TRIM72: variants seen among roughly 807,000 people sequenced by gnomAD.
TRIM72 encodes the protein tripartite motif-containing protein 72.
In TRIM72, 33 loss-of-function variants were observed where a neutral mutation model predicts 31.6. The observed-to-expected ratio is 1.04, with a 90% CI of 0.79 to 1.40. The LOEUF is 1.40. Ranked by LOEUF, TRIM72 falls within the 40% of genes most tolerant of loss-of-function variation. The pLI, the probability that TRIM72 is intolerant of heterozygous loss-of-function variation, is 0.00. For synonymous variants in TRIM72, 301 were observed against 314.4 expected (o/e 0.96, Z 0.45); for missense variants, 666 against 682.7 (o/e 0.98, Z 0.27).
rs1464121268 is a variant in TRIM72, at chr16:31,219,616, A to G, written c.717+97A>G. On this transcript the variant is annotated intron_variant, in intron 4 of 6. Coordinates refer to ENST00000322122, the MANE Select transcript of TRIM72 (RefSeq NM_001008274.4). The surrounding 1 kb of genome is among the most constrained non-coding windows in gnomAD (Gnocchi z 4.2). ...GATAGGCCCAGAGAGGGGCAGGGATAAGCCAGCAGCACACAGCCGGGAGGG... is the reference window on the plus strand; with the variant it reads ...GATAGGCCCAGAGAGGGGCAGGGATGAGCCAGCAGCACACAGCCGGGAGGG... 8.5e-7 allele frequency: 1 copy of G among 1,180,272 alleles called. No homozygotes were observed. The highest frequency in any genetic ancestry group is 1.2e-6 in the Non-Finnish European group (1 of 829,704). The allele number at this position is 1,180,272 out of a possible 1,614,324, so 73.1% of individuals were successfully genotyped here.
intron 5 of TRIM72, 56 bp downstream of exon 5, chr16:31,220,974 A>T: frequency 6.2e-7 from 1 of 1,608,704 alleles, no homozygotes; most frequent in South Asian, 1.1e-5. Flanking sequence ...TTCTAGGGAC[A>T]CCAGCCGGCT....
rs756675094 is a variant in TRIM72, at chr16:31,219,379, G to A, written c.577G>A (p.Glu193Lys). 1.9e-5 allele frequency: 31 copies of A among 1,614,038 alleles called. No individual in the cohort carries two copies. The highest frequency in any genetic ancestry group is 2.4e-5 in the Non-Finnish European group (28 of 1,180,032). ...TGCACTGGAGGGCTCCTTGGACCGC[G>A]AGGCAGAGCGTGTACGGGGTGAGGC... Reference protein sequence around the residue: ...LAALEGSLDREAERVRGEAGV... With the variant: ...LAALEGSLDRKAERVRGEAGV... Residue 193 changes from glutamate to lysine, a missense_variant, in exon 4 of 7, where the codon GAG becomes AAG. Coordinates refer to ENST00000322122, the MANE Select transcript of TRIM72 (RefSeq NM_001008274.4). This position sits in a 1 kb window ranked among gnomAD's most constrained non-coding sequence, Gnocchi z 4.2.
At chr16:31,217,511 A>G (rs2144191041) in intron 2 of TRIM72, among the ~76,000 whole-genome samples, 1 of 151,322 alleles carries the variant, frequency 6.6e-6, no homozygotes, top group Non-Finnish European at 1.5e-5. Flanking sequence ...AAAAAAAAAA[A>G]ATGGCTTTGG....
rs538281869 is a variant in TRIM72, at chr16:31,215,178, G to C, written c.390+50G>C. 3 of 1,423,748 alleles carry C rather than the reference G, an allele frequency of 2.1e-6. No homozygotes were observed. The South Asian group carries it at 4.7e-5, about 22-fold the overall frequency. The allele number at this position is 1,423,748 out of a possible 1,614,324, so 88.2% of individuals were successfully genotyped here. ...TCGGAGGGGCTGTTCGGTGGCACGGGGCCGATGGGGAGGTCGCTGCAGTGA... is the reference window on the plus strand; with the variant it reads ...TCGGAGGGGCTGTTCGGTGGCACGGCGCCGATGGGGAGGTCGCTGCAGTGA... On this transcript the variant is annotated intron_variant, in intron 2 of 6. Coordinates refer to ENST00000322122, the MANE Select transcript of TRIM72 (RefSeq NM_001008274.4). The surrounding 1 kb of genome is among the most constrained non-coding windows in gnomAD (Gnocchi z 6.3).
chr16:31,219,378 C>T lies in TRIM72; in HGVS notation c.576C>T (p.Arg192=), dbSNP rs138440104. 20 of 1,613,964 alleles carry T rather than the reference C, an allele frequency of 1.2e-5. No individual in the cohort carries two copies. Among genetic ancestry groups the T allele is most frequent in the Admixed American group, 3.3e-5 (2 of 59,986 alleles). ...CTGCACTGGAGGGCTCCTTGGACCG[C>T]GAGGCAGAGCGTGTACGGGGTGAGG... ...FLAALEGSLD[R]EAERVRGEAG... Residue 192 remains arginine, a synonymous_variant, in exon 4 of 7, where the codon CGC becomes CGT. Transcript: ENST00000322122. The surrounding 1 kb of genome is among the most constrained non-coding windows in gnomAD (Gnocchi z 4.2).
chr16:31,225,039 A>C lies in TRIM72; in HGVS notation c.*284A>C. Reference sequence around the variant, plus strand: ...AACTCCTCTCTACTGAAAATACAAAAATGAGCTGGGCGCGGTGGCATACGC... The same window carrying C: ...AACTCCTCTCTACTGAAAATACAAACATGAGCTGGGCGCGGTGGCATACGC... On this transcript the variant is annotated 3_prime_UTR_variant, in exon 7 of 7. Coordinates refer to ENST00000322122, the MANE Select transcript of TRIM72 (RefSeq NM_001008274.4). 7.7e-6 allele frequency: 2 copies of C among 260,956 alleles called. No individual in the cohort carries two copies. The highest frequency in any genetic ancestry group is 7.2e-6 in the Non-Finnish European group (1 of 138,152). 16.2% of individuals were successfully genotyped at this position (260,956 alleles called of 1,614,324 possible). A position where few individuals can be genotyped will look rare whatever the true frequency, so the allele number is the denominator to read the frequency against.
At chr16:31,217,021 G>T (rs546281460) in intron 2 of TRIM72, 5 of 1,612,132 alleles carry the variant, frequency 3.1e-6, no homozygotes, top group Non-Finnish European at 4.2e-6. Flanking sequence ...CTCGCGCTTC[G>T]TTCCCATGGC....
chr16:31,216,617 G>C lies in TRIM72; in HGVS notation c.390+1489G>C. 9.9e-7 allele frequency: 1 copy of C among 1,009,752 alleles called. No homozygotes were observed. The highest frequency in any genetic ancestry group is 1.4e-6 in the Non-Finnish European group (1 of 695,356). The allele number at this position is 1,009,752 out of a possible 1,614,324, so 62.5% of individuals were successfully genotyped here. On this transcript the variant is annotated intron_variant, in intron 2 of 6. Transcript: ENST00000322122. This position sits in a 1 kb window ranked among gnomAD's most constrained non-coding sequence, Gnocchi z 6.7. ...GCCCAGCCCTTCGCCCCCGGGAGGG[G>C]CTGGCCGGAGGTCTGAGGGAGGACC...
At chr16:31,220,947 C>T (rs1487098040) in intron 5 of TRIM72, 29 bp downstream of exon 5, 1 of 1,613,930 alleles carries the variant, frequency 6.2e-7, no homozygotes, top group East Asian at 2.2e-5. Context: ...TGTCCCTTTG[C>T]CCGACTTGTC....
Position 31,222,809 on chromosome 16 carries a change from T to TCCCCCCCCCCCCCCCCCCC in TRIM72, c.741-14_741-13insCCCCCCCCCCCCCCCCCCC. On this transcript the variant is annotated splice_polypyrimidine_tract_variant and intron_variant, in intron 5 of 6. Coordinates refer to ENST00000322122, the MANE Select transcript of TRIM72 (RefSeq NM_001008274.4). ...CTCCCCCCTCACACATGCCTCCCCT[T>TCCCCCCCCCCCCCCCCCCC]CCCCTCCCCACCCCCAGGCTGCAGA... The TCCCCCCCCCCCCCCCCCCC allele has an allele frequency of 2.0e-6, 1 of 505,036 alleles. No homozygotes were observed. Among genetic ancestry groups the TCCCCCCCCCCCCCCCCCCC allele is most frequent in the Non-Finnish European group, 3.4e-6 (1 of 291,460 alleles). The allele number at this position is 505,036 out of a possible 1,614,324, so 31.3% of individuals were successfully genotyped here.
chr16:31,224,407 C>T lies in TRIM72; in HGVS notation c.1086C>T (p.Ile362=), dbSNP rs200505610. The change falls in exon 7 of 7, where the codon ATC becomes ATT. Residue 362 remains isoleucine (I), a synonymous_variant. Coordinates refer to ENST00000322122, the MANE Select transcript of TRIM72 (RefSeq NM_001008274.4). Reference sequence around the variant, plus strand: ...AGCCGCGCTGGGCGCTGGGCGTGATCGCGGCCGAGGCCCCCCGCCGCGGGC... The same window carrying T: ...AGCCGCGCTGGGCGCTGGGCGTGATTGCGGCCGAGGCCCCCCGCCGCGGGC... ...GDKPRWALGV[I]AAEAPRRGRL... 1.7e-5 allele frequency: 24 copies of T among 1,430,054 alleles called. No homozygotes were observed. The highest frequency in any genetic ancestry group is 2.8e-5 in the East Asian group (1 of 36,124). 88.6% of individuals were successfully genotyped at this position (1,430,054 alleles called of 1,614,324 possible). A position where few individuals can be genotyped will look rare whatever the true frequency, so the allele number is the denominator to read the frequency against.
intron 2 of TRIM72, among the ~76,000 whole-genome samples, chr16:31,218,265 G>A (rs1029378833): frequency 6.6e-6 from 1 of 152,154 alleles, no homozygotes; most frequent in South Asian, 2.1e-4. Flanking sequence ...ACAAGGGGCT[G>A]GGGGTGTGGC....
At position 31,225,184 on chromosome 16, in the gene TRIM72, C is replaced by CT. The variant is rs2079551142; in HGVS notation, c.*430dup. The CT allele has an allele frequency of 1.5e-5, 1 of 67,654 alleles. No homozygotes were observed. The highest frequency in any genetic ancestry group is 5.4e-4 in the East Asian group (1 of 1,836). The allele number at this position is 67,654 out of a possible 1,614,324, so 4.2% of individuals were successfully genotyped here. Reference sequence around the variant, plus strand: ...TAGCCTGGGTGACAAGAGTGAGACTCTGTCTCAAAAAAAAAAAAAAGTGTG... The same window carrying CT: ...TAGCCTGGGTGACAAGAGTGAGACTCTTGTCTCAAAAAAAAAAAAAAGTGTG... On this transcript the variant is annotated 3_prime_UTR_variant, in exon 7 of 7. Transcript: ENST00000322122.
Position 31,219,500 on chromosome 16 carries a change from C to G in TRIM72, c.698C>G (p.Pro233Arg), listed in dbSNP as rs201571350. 5.1e-5 allele frequency: 82 copies of G among 1,611,722 alleles called. No homozygotes were observed. The highest frequency in any genetic ancestry group is 6.7e-5 in the Non-Finnish European group (79 of 1,179,250). The part of the protein sequence containing the change: ...EKVLEEVADK[P>R]QTEFLMKYCL... ...GTCCTGGAGGAGGTGGCGGACAAGC[C>G]GCAGACTGAGTTCCTCATGGTGAGC... The change falls in exon 4 of 7, where the codon CCG (proline) becomes CGG (arginine). Residue 233 changes from proline (P) to arginine (R), a missense_variant. Pro to Arg is a moderately radical substitution (Grantham distance 103). Transcript: ENST00000322122. The surrounding 1 kb of genome is among the most constrained non-coding windows in gnomAD (Gnocchi z 4.2).
Position 31,219,578 on chromosome 16 carries a change from C to T in TRIM72, c.717+59C>T. The T allele has an allele frequency of 6.8e-7, 1 of 1,473,660 alleles. No homozygotes were observed. The highest frequency in any genetic ancestry group is 9.2e-7 in the Non-Finnish European group (1 of 1,081,176). 91.3% of individuals were successfully genotyped at this position (1,473,660 alleles called of 1,614,324 possible). A position where few individuals can be genotyped will look rare whatever the true frequency, so the allele number is the denominator to read the frequency against. ...CCCCCTGCTCAGGGCCCAGAGACCTCATCCCATTGTCAGATAGGCCCAGAG... is the reference window on the plus strand; with the variant it reads ...CCCCCTGCTCAGGGCCCAGAGACCTTATCCCATTGTCAGATAGGCCCAGAG... On this transcript the variant is annotated intron_variant, in intron 4 of 6. Transcript: ENST00000322122. This position sits in a 1 kb window ranked among gnomAD's most constrained non-coding sequence, Gnocchi z 4.2.
At position 31,220,860 on chromosome 16, in the gene TRIM72, C is replaced by A. The variant is rs199844910; in HGVS notation, c.718-36C>A. 3.7e-6 allele frequency: 6 copies of A among 1,613,968 alleles called. No individual in the cohort carries two copies. The East Asian group carries it at 1.3e-4, about 36-fold the overall frequency. ...CAAAAGTTTCCAGTGTCCCCACCATCGGCTTCACCACCATTCTCTTTTTCT... is the reference window on the plus strand; with the variant it reads ...CAAAAGTTTCCAGTGTCCCCACCATAGGCTTCACCACCATTCTCTTTTTCT... On this transcript the variant is annotated intron_variant, in intron 4 of 6. Coordinates refer to ENST00000322122, the MANE Select transcript of TRIM72 (RefSeq NM_001008274.4).
chr16:31,216,886 T>C lies in TRIM72; in HGVS notation c.390+1758T>C. The C allele has an allele frequency of 6.2e-7, 1 of 1,613,970 alleles. No homozygotes were observed. Among genetic ancestry groups the C allele is most frequent in the East Asian group, 2.2e-5 (1 of 44,878 alleles). ...CAGCTTGTCGGTGAGGTCCACGATA[T>C]CTAGCTGCCCGAGCGCGCCCCGCGG... On this transcript the variant is annotated intron_variant, in intron 2 of 6. Transcript: ENST00000322122. This position sits in a 1 kb window ranked among gnomAD's most constrained non-coding sequence, Gnocchi z 6.7.
chr16:31,221,556 TGGGGAGAAGGGCACTGC>T (rs2079533894), intron 5 of TRIM72, among the ~76,000 whole-genome samples: 1 of 75,226 alleles, frequency 1.3e-5, no homozygotes, highest in Non-Finnish European at 2.6e-5. Flanking sequence ...AAGGGCATTG[TGGGGAGAAGGGCACTGC>T]GGGGAGAAGG....
rs2079505337 is a variant in TRIM72 at position 31,215,757 on chromosome 16, C to T, written c.390+629C>T. On this transcript the variant is annotated intron_variant, in intron 2 of 6. Coordinates refer to ENST00000322122, the MANE Select transcript of TRIM72 (RefSeq NM_001008274.4). The surrounding 1 kb of genome is among the most constrained non-coding windows in gnomAD (Gnocchi z 6.3). ...GCGGGCCCAGGGTGGCACCGAGAGC[C>T]CCGTCCAGGATGTTTTTCTGGGTGG... Among the ~76,000 whole-genome samples, 2 of 152,196 alleles carry T rather than the reference C, an allele frequency of 1.3e-5. No homozygotes were observed. Among genetic ancestry groups the T allele is most frequent in the African/African-American group, 4.8e-5 (2 of 41,454 alleles).
Sources: allele counts gnomAD v4.1 joint callset (sites outside exome capture counted in the v4.1 genomes callset), GRCh38; gene constraint gnomAD v4.1.1; non-coding constraint Gnocchi (gnomAD v3.1); transcripts MANE v1.5; gene names NCBI Gene and HGNC (gene_info 2026-07-23, HGNC 2026-07-21).